The following PTPRM variants were observed in gnomAD, a reference collection of about 807,000 sequenced individuals.
PTPRM encodes protein tyrosine phosphatase receptor type M.
PTPRM carries 47 observed loss-of-function variants against 186.7 expected under a neutral mutation model. That is an observed-to-expected ratio of 0.25 (90% CI 0.20 to 0.32). The LOEUF (loss-of-function observed/expected upper bound fraction) is 0.32. PTPRM is among the 10% of genes least tolerant of loss of function. The probability of loss-of-function intolerance (pLI) is 1.00; values close to 1 mark genes in which losing one functional copy is unlikely to be tolerated. For synonymous variants in PTPRM, 668 were observed against 674.9 expected (o/e 0.99, Z 0.16); for missense variants, 1,494 against 1,865.0 (o/e 0.80, Z 3.66).
chr18:7,732,227 C>T (rs1598453996), intron 1 of PTPRM, among the ~76,000 whole-genome samples: 1 of 152,192 alleles, frequency 6.6e-6, no homozygotes, highest in East Asian at 1.9e-4. Flanking sequence ...CTGGCCATCA[C>T]ATCCTCAGCT....
rs139769718 is a variant in PTPRM at position 7,867,583 on chromosome 18, G to A, written c.197-20523G>A. 1.6e-3 allele frequency among the ~76,000 whole-genome samples: 240 copies of A among 152,314 alleles called. 1 individual carries two copies. The highest frequency in any genetic ancestry group is 5.5e-3 in the African/African-American group (230 of 41,560). On this transcript the variant is annotated intron_variant, in intron 2 of 32. Transcript: ENST00000580170. ...GAGAGATCTGCTGTTAGTCTGATGG[G>A]CTTCCCTTTGTGGGTAACCCGACCT...
At chr18:8,204,669 G>T (rs75862423) in intron 14 of PTPRM, among the ~76,000 whole-genome samples, 1,560 of 152,090 alleles carry the variant, frequency 0.01, 33 homozygotes, top group African/African-American at 0.035. Flanking sequence ...TCGCATCACT[G>T]AGGAGTGTTC....
At chr18:7,931,443 C>T (rs8093794) in intron 5 of PTPRM, among the ~76,000 whole-genome samples, 12,060 of 152,200 alleles carry the variant, frequency 0.079, 528 homozygotes, top group South Asian at 0.16. Context: ...CAGTGGCTCA[C>T]GCCTGTAATC....
At chr18:8,122,480 T>G (rs1313065172) in intron 13 of PTPRM, among the ~76,000 whole-genome samples, 2 of 152,342 alleles carry the variant, frequency 1.3e-5, no homozygotes, top group East Asian at 3.9e-4. Flanking sequence ...ATGCTTGGCC[T>G]CTTCTGTGTG....
chr18:7,930,169 G>A (rs1379338873), intron 5 of PTPRM, among the ~76,000 whole-genome samples: 1 of 151,980 alleles, frequency 6.6e-6, no homozygotes. Context: ...CCTGGGCTTA[G>A]ATGATCCTCC....
rs1445546757 is a variant in PTPRM at position 7,809,545 on chromosome 18, AC to A, written c.196+35275del. On this transcript the variant is annotated intron_variant, in intron 2 of 32. Coordinates refer to ENST00000580170, the MANE Select transcript of PTPRM (RefSeq NM_001105244.2). ...AAGACAGGGTGCAGGGGAGGGGATA[AC>A]TCTGCCTCTGTAGCTCCTCGGTCCT... Among the ~76,000 whole-genome samples the A allele has an allele frequency of 2.0e-5, 3 of 151,834 alleles. No individual in the cohort carries two copies. The East Asian group carries it at 5.8e-4, about 30-fold the overall frequency.
At chr18:7,682,868 C>T (rs2039510990) in intron 1 of PTPRM, among the ~76,000 whole-genome samples, 1 of 152,038 alleles carries the variant, frequency 6.6e-6, no homozygotes, top group South Asian at 2.1e-4. Flanking sequence ...GGCCAGAGGG[C>T]CCTGAGACTG....
At chr18:8,196,562 C>T (rs1054814609) in intron 14 of PTPRM, among the ~76,000 whole-genome samples, 2 of 152,160 alleles carry the variant, frequency 1.3e-5, no homozygotes, top group Admixed American at 1.3e-4. Context: ...GGACTAGTGC[C>T]CAGTAGAGAG....
At chr18:7,828,335 A>G (rs1419640776) in intron 2 of PTPRM, among the ~76,000 whole-genome samples, 1 of 151,498 alleles carries the variant, frequency 6.6e-6, no homozygotes, top group East Asian at 1.9e-4. Flanking sequence ...TACATGTGCC[A>G]TGTTGGTGTG....
At position 8,240,618 on chromosome 18, in the gene PTPRM, GGAGA is replaced by G. The variant is rs372227037; in HGVS notation, c.2301-3407_2301-3404del. ...TGCATGGAGAGAGAGAGAGAGGGAG[GGAGA>G]GAGAGAGAGAGAGAGAGAGAGAGAG... On this transcript the variant is annotated intron_variant, in intron 14 of 32. Coordinates refer to ENST00000580170, the MANE Select transcript of PTPRM (RefSeq NM_001105244.2). Among the ~76,000 whole-genome samples, 181 of 34,788 alleles carry G rather than the reference GGAGA, an allele frequency of 5.2e-3. 1 individual carries two copies. The highest frequency in any genetic ancestry group is 0.023 in the East Asian group (29 of 1,282). 22.8% of individuals were successfully genotyped at this position (34,788 alleles called of 152,430 possible).
chr18:8,253,325 C>G lies in PTPRM; in HGVS notation c.2665C>G (p.Leu889Val), dbSNP rs1469634777. The change falls in exon 19 of 33, where the codon CTC becomes GTC. Residue 889 changes from leucine to valine, a missense_variant. This residue lies in a region of PTPRM where 1,107 missense variants were observed against 1,350.2 expected (regional missense o/e 0.82). Transcript: ENST00000580170. ...PADVPYQTGQ[L>V]HPAIRVADLL... ...CGACGTGCCCTATCAGACTGGGCAG[C>G]TCCACCCCGCCATCCGGGTGGCAGA... 6.9e-6 allele frequency: 11 copies of G among 1,598,222 alleles called. No individual in the cohort carries two copies. Among genetic ancestry groups the G allele is most frequent in the Non-Finnish European group, 9.4e-6 (11 of 1,172,484 alleles).
intron 24 of PTPRM, among the ~76,000 whole-genome samples, chr18:8,374,946 A>C (rs1242372911): frequency 2.0e-5 from 3 of 152,256 alleles, no homozygotes; most frequent in Non-Finnish European, 2.9e-5. Flanking sequence ...AAGATACAAT[A>C]AAACCAAATG....
intron 7 of PTPRM, among the ~76,000 whole-genome samples, chr18:8,009,827 T>C (rs555190249): frequency 2.6e-5 from 4 of 152,344 alleles, no homozygotes; most frequent in African/African-American, 4.8e-5. Context: ...TTTGGAAATA[T>C]AGTAAATTTA....
chr18:8,257,177 G>C (rs2094582435), intron 19 of PTPRM, among the ~76,000 whole-genome samples: 1 of 152,232 alleles, frequency 6.6e-6, no homozygotes, highest in South Asian at 2.1e-4. Flanking sequence ...TCTCTTGGAA[G>C]ATGAGTGGGA....
At chr18:8,333,939 C>T (rs72918720) in intron 22 of PTPRM, among the ~76,000 whole-genome samples, 3 of 152,312 alleles carry the variant, frequency 2.0e-5, no homozygotes, top group Non-Finnish European at 2.9e-5. Flanking sequence ...GCCCTGGTCT[C>T]GGGCAGTTCA....
chr18:7,773,492 T>G (rs777054183), intron 1 of PTPRM, among the ~76,000 whole-genome samples: 2 of 152,090 alleles, frequency 1.3e-5, no homozygotes, highest in Non-Finnish European at 2.9e-5. Flanking sequence ...GCAAGAGCAA[T>G]TTTTCAAATT....
At chr18:8,054,871 G>C (rs1019915876) in intron 7 of PTPRM, among the ~76,000 whole-genome samples, 21 of 151,948 alleles carry the variant, frequency 1.4e-4, no homozygotes, top group African/African-American at 5.1e-4. Context: ...ATTTTGTCTT[G>C]ATCCTTGAAT....
At chr18:7,629,228 G>A (rs2038133244) in intron 1 of PTPRM, among the ~76,000 whole-genome samples, 1 of 152,144 alleles carries the variant, frequency 6.6e-6, no homozygotes, top group African/African-American at 2.4e-5. Flanking sequence ...GTCAATGTAG[G>A]GAAGAACCAT....
intron 1 of PTPRM, among the ~76,000 whole-genome samples, chr18:7,624,917 G>A (rs2038023874): frequency 1.3e-5 from 2 of 152,156 alleles, no homozygotes; most frequent in South Asian, 4.1e-4. Flanking sequence ...TAGTGAGCCT[G>A]GTGTGTGTGT....
Sources: gnomAD v4.1 joint callset for allele counts (sites outside exome capture counted in the v4.1 genomes callset) on GRCh38, gnomAD v4.1.1 for gene constraint, gnomAD v4.1.1 regional missense constraint, MANE v1.5 for transcripts, NCBI Gene and HGNC (gene_info 2026-07-23, HGNC 2026-07-21) for gene names.